SOHLH2: variants seen among roughly 807,000 people sequenced by gnomAD.
SOHLH2 encodes the protein spermatogenesis and oogenesis specific basic helix-loop-helix 2.
Under a neutral mutation model 50.4 loss-of-function variants are expected in SOHLH2, and 22 were observed. That is an observed-to-expected ratio of 0.44 (90% confidence interval 0.31 to 0.62). SOHLH2 has a LOEUF of 0.62. Ranked by LOEUF, SOHLH2 falls within the 20% of genes least tolerant of loss-of-function variation. SOHLH2 has a pLI of 0.08. For missense variants in SOHLH2, 412 were observed against 504.4 expected (o/e 0.82, Z 1.76); for synonymous variants, 185 against 187.3 (o/e 0.99, Z 0.10).
chr13:36,193,636 A>G lies in SOHLH2; in HGVS notation c.415T>C (p.Cys139Arg). Residue 139 changes from cysteine (C) to arginine (R), a missense_variant, in exon 4 of 11, where the codon TGT becomes CGT. By Grantham distance (180) the Cys-to-Arg change is radical (BLOSUM62 -3). Coordinates refer to ENST00000379881, the MANE Select transcript of SOHLH2 (RefSeq NM_017826.3). ...MSNVVKYWTT[C>R]PSNTVKTENA... is the part of the protein sequence containing the mutation. ...TTTTACTCACCAGTGTTTGAGGGACATGTTGTCCAGTATTTTACCACATTA... is the reference window on the plus strand; with the variant it reads ...TTTTACTCACCAGTGTTTGAGGGACGTGTTGTCCAGTATTTTACCACATTA... 1 of 1,605,782 alleles carries G rather than the reference A, an allele frequency of 6.2e-7. No homozygotes were observed. Among genetic ancestry groups the G allele is most frequent in the Non-Finnish European group, 8.5e-7 (1 of 1,178,124 alleles).
chr13:36,180,512 G>T (rs1010970347), intron 6 of SOHLH2, among the ~76,000 whole-genome samples: 13 of 151,636 alleles, frequency 8.6e-5, no homozygotes, highest in African/African-American at 2.7e-4. Context: ...GTACATGCAG[G>T]TTTGTTACAT....
At chr13:36,204,006 A>G (rs1868597512) in intron 1 of SOHLH2, among the ~76,000 whole-genome samples, 1 of 136,150 alleles carries the variant, frequency 7.3e-6, no homozygotes, top group South Asian at 2.2e-4. Flanking sequence ...GCTGGAGTGC[A>G]GTGGCGTGAT....
At chr13:36,200,873 A>AC (rs1887881102) in intron 2 of SOHLH2, among the ~76,000 whole-genome samples, 1 of 151,582 alleles carries the variant, frequency 6.6e-6, no homozygotes. Context: ...ATATGGTAAA[A>AC]CCCCACCTCT....
chr13:36,190,253 T>C (rs1034924565), intron 5 of SOHLH2, among the ~76,000 whole-genome samples, 197 bp from the exon 6 acceptor site: 21 of 152,186 alleles, frequency 1.4e-4, no homozygotes, highest in Admixed American at 1.4e-3. Context: ...AAGAATATAT[T>C]ATCAAAATCA....
intron 6 of SOHLH2, among the ~76,000 whole-genome samples, chr13:36,183,724 C>T (rs1440439234): frequency 6.6e-6 from 1 of 152,050 alleles, no homozygotes; most frequent in Non-Finnish European, 1.5e-5. Flanking sequence ...AAGACATATA[C>T]AGGTTAGAAA....
intron 6 of SOHLH2, among the ~76,000 whole-genome samples, chr13:36,188,598 T>C (rs1346863437): frequency 6.6e-6 from 1 of 152,186 alleles, no homozygotes; most frequent in African/African-American, 2.4e-5. Context: ...GCTCTTAACC[T>C]TACTTGATCT....
chr13:36,203,114 C>T (rs749701811), intron 1 of SOHLH2, among the ~76,000 whole-genome samples: 4 of 152,198 alleles, frequency 2.6e-5, no homozygotes, highest in African/African-American at 7.2e-5. Context: ...TACCATCTCT[C>T]ATATCCTAAT....
intron 10 of SOHLH2, 127 bp downstream of exon 10, chr13:36,170,404 G>T: frequency 7.0e-7 from 1 of 1,428,290 alleles, no homozygotes; most frequent in Admixed American, 2.8e-5. Context: ...TCAGGGTAGA[G>T]AGACTCAGAA....
rs9670791 is a variant in SOHLH2 at position 36,174,354 on chromosome 13, C to T, written c.881+122G>A. ...ATACACATCGGCAATTAGAAAAGTT[C>T]GCTGACCCTTAATAAGCCCCTGCAC... On this transcript the variant is annotated intron_variant, in intron 8 of 10. Coordinates refer to ENST00000379881, the MANE Select transcript of SOHLH2 (RefSeq NM_017826.3). 1,810 of 1,279,026 alleles carry T rather than the reference C, an allele frequency of 1.4e-3. 2 individuals carry two copies. Among genetic ancestry groups the T allele is most frequent in the Non-Finnish European group, 1.8e-3 (1,665 of 925,918 alleles). The allele number at this position is 1,279,026 out of a possible 1,614,324, so 79.2% of individuals were successfully genotyped here.
intron 2 of SOHLH2, among the ~76,000 whole-genome samples, chr13:36,196,114 AG>A (rs1277126918): frequency 4.0e-5 from 6 of 150,316 alleles, no homozygotes; most frequent in African/African-American, 4.9e-5. Context: ...ATAGATAGAT[AG>A]ATAGATAGAT....
intron 6 of SOHLH2, among the ~76,000 whole-genome samples, chr13:36,180,541 G>A (rs1214901296): frequency 6.6e-6 from 1 of 151,282 alleles, no homozygotes; most frequent in Non-Finnish European, 1.5e-5. Context: ...GTGTGCCATA[G>A]TGGTTTGCTG....
chr13:36,192,684 C>A lies in SOHLH2; in HGVS notation c.431-790G>T, dbSNP rs116767192. Among the ~76,000 whole-genome samples, 1,264 of 152,244 alleles carry A rather than the reference C, an allele frequency of 8.3e-3. 18 individuals carry two copies. Among genetic ancestry groups the A allele is most frequent in the African/African-American group, 0.029 (1,213 of 41,524 alleles). On this transcript the variant is annotated intron_variant, in intron 4 of 10. Transcript: ENST00000379881. The stretch of plus-strand genomic sequence containing the variant: ...CGAAATTGTACATATTTAAGGTGTA[C>A]AACTTGAGTTGATAATATACATATA...
At chr13:36,199,412 C>T (rs1464153107) in intron 2 of SOHLH2, among the ~76,000 whole-genome samples, 1 of 152,168 alleles carries the variant, frequency 6.6e-6, no homozygotes, top group African/African-American at 2.4e-5. Context: ...GCTTCTCCCA[C>T]CCATCCATAC....
intron 6 of SOHLH2, among the ~76,000 whole-genome samples, chr13:36,176,862 T>A (rs141765121): frequency 2.0e-5 from 3 of 152,204 alleles, no homozygotes; most frequent in African/African-American, 7.2e-5. Context: ...CATAAGCACA[T>A]TACACTCCTA....
intron 9 of SOHLH2, among the ~76,000 whole-genome samples, 162 bp from the exon 10 acceptor site, chr13:36,170,949 A>C (rs1051847961): frequency 2.6e-5 from 4 of 152,186 alleles, no homozygotes; most frequent in Non-Finnish European, 2.9e-5. Context: ...TGAACTTTCT[A>C]ATTGTGACAT....
chr13:36,186,404 T>G (rs957017207), intron 6 of SOHLH2, among the ~76,000 whole-genome samples: 5 of 152,176 alleles, frequency 3.3e-5, no homozygotes, highest in African/African-American at 9.7e-5. Context: ...GGGGCTCTCC[T>G]CTGTATAAAT....
At chr13:36,181,543 T>C (rs1347354292) in intron 6 of SOHLH2, among the ~76,000 whole-genome samples, 5 of 152,196 alleles carry the variant, frequency 3.3e-5, no homozygotes, top group Admixed American at 6.5e-5. Context: ...GTTTTCATAG[T>C]CTAGAGTTAA....
intron 6 of SOHLH2, among the ~76,000 whole-genome samples, chr13:36,178,816 ATTTGT>A (rs905714226): frequency 4.2e-5 from 6 of 141,556 alleles, no homozygotes; most frequent in African/African-American, 1.3e-4. Context: ...TGTACAGATC[ATTTGT>A]TTTTTTTTTT....
At position 36,174,832 on chromosome 13, in the gene SOHLH2, G is replaced by T; in HGVS notation, c.679C>A (p.Leu227Ile). The T allele has an allele frequency of 3.7e-6, 6 of 1,604,426 alleles. No homozygotes were observed. Among genetic ancestry groups the T allele is most frequent in the Non-Finnish European group, 5.1e-6 (6 of 1,177,452 alleles). ...IKYCCEQLRT[L>I]LPYVKGRKND... ...TTTCTCCCTTTTACATACGGCAAGA[G>T]AGTACGCAGCTGCTCACAGCAATAT... The change falls in exon 7 of 11, where the codon CTC becomes ATC. Residue 227 changes from leucine to isoleucine, a missense_variant. Coordinates refer to ENST00000379881, the MANE Select transcript of SOHLH2 (RefSeq NM_017826.3).
Sources: allele counts gnomAD v4.1 joint callset (sites outside exome capture counted in the v4.1 genomes callset), GRCh38; gene constraint gnomAD v4.1.1; transcripts MANE v1.5; gene names NCBI Gene and HGNC (gene_info 2026-07-23, HGNC 2026-07-21).